SYNJ2: variants seen among roughly 807,000 people sequenced by gnomAD.
SYNJ2 encodes synaptojanin 2.
In SYNJ2, 116 loss-of-function variants were observed where a neutral mutation model predicts 141.3. The observed-to-expected ratio is 0.82, with a 90% CI of 0.71 to 0.96. SYNJ2 has a LOEUF of 0.96. Ranked by LOEUF, SYNJ2 falls within the 40% of genes least tolerant of loss-of-function variation. The pLI is 0.00. For missense variants in SYNJ2, 1,873 were observed against 1,934.8 expected (o/e 0.97, Z 0.60); for synonymous variants, 745 against 777.7 (o/e 0.96, Z 0.70).
At chr6:157,992,401 CTTTT>C (rs57905567) in intron 1 of SYNJ2, among the ~76,000 whole-genome samples, 49,752 of 120,764 alleles carry the variant, frequency 0.41, 10,599 homozygotes, top group African/African-American at 0.64. Context: ...TGGCTTGTTT[CTTTT>C]TTTTTTTTTT....
At chr6:158,069,205 C>T (rs894267753) in intron 13 of SYNJ2, among the ~76,000 whole-genome samples, 9 of 152,144 alleles carry the variant, frequency 5.9e-5, no homozygotes, top group East Asian at 1.9e-4. Context: ...GTCAACTGGG[C>T]GCTCCCCCCA....
At chr6:158,017,407 T>G in intron 2 of SYNJ2, 117 bp downstream of exon 2, 1 of 188,282 alleles carries the variant, frequency 5.3e-6, no homozygotes, top group South Asian at 1.3e-4. Context: ...TCTCTCTTCT[T>G]TTTTTTTTTT....
rs1423760670 is a variant in SYNJ2 at position 157,982,733 on chromosome 6, C to T, written c.127+645C>T. ...TGTGCTATGGGCTTTAGTACGTGAT[C>T]TCACTTAATTCTCACAATTCTACTA... On this transcript the variant is annotated intron_variant, in intron 1 of 26. Coordinates refer to ENST00000355585, the MANE Select transcript of SYNJ2 (RefSeq NM_003898.4). This position sits in a 1 kb window ranked among gnomAD's most constrained non-coding sequence, Gnocchi z 4.0. Among the ~76,000 whole-genome samples the T allele has an allele frequency of 6.6e-6, 1 of 152,224 alleles. No homozygotes were observed. Among genetic ancestry groups the T allele is most frequent in the African/African-American group, 2.4e-5 (1 of 41,462 alleles).
intron 15 of SYNJ2, 106 bp from the exon 16 acceptor site, chr6:158,074,474 A>AT: frequency 7.8e-7 from 1 of 1,278,272 alleles, no homozygotes. Flanking sequence ...TCTAAGTAGC[A>AT]TTTTGAGAAA....
intron 11 of SYNJ2, among the ~76,000 whole-genome samples, chr6:158,065,440 A>T (rs542869893): frequency 6.6e-6 from 1 of 152,256 alleles, no homozygotes; most frequent in South Asian, 2.1e-4. Flanking sequence ...GGATGCTGTC[A>T]TCCCCTGGGG....
intron 12 of SYNJ2, chr6:158,067,305 C>T: frequency 1.9e-6 from 1 of 514,506 alleles, no homozygotes; most frequent in Non-Finnish European, 2.5e-6. Flanking sequence ...AGGCATGCGC[C>T]ACCGCGCCTG....
intron 8 of SYNJ2, among the ~76,000 whole-genome samples, chr6:158,063,345 G>T (rs1056381583): frequency 6.6e-6 from 1 of 152,088 alleles, no homozygotes; most frequent in Admixed American, 6.5e-5. Context: ...TGGGGTTTCT[G>T]GGGGGCTATT....
At chr6:158,017,331 C>T (rs755809887) in intron 2 of SYNJ2, 41 bp downstream of exon 2, 116 of 1,580,348 alleles carry the variant, frequency 7.3e-5, no homozygotes, top group South Asian at 5.9e-4. Flanking sequence ...CCAGGCTCCC[C>T]GGTGGGCAGG....
rs992258961 is a variant in SYNJ2 at position 158,062,274 on chromosome 6, G to T, written c.1127+110G>T. 10 of 1,527,208 alleles carry T rather than the reference G, an allele frequency of 6.5e-6. No individual in the cohort carries two copies. In the East Asian group the frequency reaches 6.8e-5, roughly 10 times the overall value. The allele number at this position is 1,527,208 out of a possible 1,614,324, so 94.6% of individuals were successfully genotyped here. A position where few individuals can be genotyped will look rare whatever the true frequency, so the allele number is the denominator to read the frequency against. ...TGCTGGGTGAGGCGGCAGAGGGGCC[G>T]TGCAGTCTAGGACATGTGCCCTATG... is the stretch of plus-strand genomic sequence containing the variant. On this transcript the variant is annotated intron_variant, in intron 8 of 26. Coordinates refer to ENST00000355585, the MANE Select transcript of SYNJ2 (RefSeq NM_003898.4).
chr6:158,079,931 A>G (rs1233810301), intron 18 of SYNJ2, among the ~76,000 whole-genome samples: 1 of 152,210 alleles, frequency 6.6e-6, no homozygotes, highest in African/African-American at 2.4e-5. Context: ...CATGTGTGCT[A>G]TGAAAGAAAA....
Position 158,018,959 on chromosome 6 carries a change from C to T in SYNJ2, c.214+1669C>T, listed in dbSNP as rs1234072088. Among the ~76,000 whole-genome samples the T allele has an allele frequency of 2.6e-5, 4 of 152,334 alleles. 1 individual carries two copies. Among genetic ancestry groups the T allele is most frequent in the South Asian group, 4.1e-4 (2 of 4,834 alleles). ...GGCCCTTGCCTTCCATGGTGATGACCGTGAGGATGGTGGCCTGCACCTGCA... is the reference window on the plus strand; with the variant it reads ...GGCCCTTGCCTTCCATGGTGATGACTGTGAGGATGGTGGCCTGCACCTGCA... On this transcript the variant is annotated intron_variant, in intron 2 of 26. Coordinates refer to ENST00000355585, the MANE Select transcript of SYNJ2 (RefSeq NM_003898.4).
intron 25 of SYNJ2, among the ~76,000 whole-genome samples, chr6:158,092,162 A>G (rs565978194): frequency 5.9e-5 from 9 of 151,818 alleles, no homozygotes; most frequent in African/African-American, 1.4e-4. Flanking sequence ...TGTGAAATCT[A>G]CCTACAGTCC....
At chr6:158,022,559 A>T (rs1275339105) in intron 2 of SYNJ2, among the ~76,000 whole-genome samples, 1 of 152,068 alleles carries the variant, frequency 6.6e-6, no homozygotes. Context: ...CCTGGAGGGG[A>T]CATTGAGACT....
intron 5 of SYNJ2, among the ~76,000 whole-genome samples, chr6:158,047,777 A>C (rs1487161638): frequency 2.1e-5 from 1 of 46,954 alleles, no homozygotes; most frequent in Non-Finnish European, 5.1e-5. Context: ...ACTCTGTCAA[A>C]AAAAAAAAAA....
intron 5 of SYNJ2, among the ~76,000 whole-genome samples, chr6:158,047,799 A>AAAAAAAAAAAAC (rs1562355896): frequency 6.7e-6 from 1 of 149,806 alleles, no homozygotes; most frequent in African/African-American, 2.5e-5. Flanking sequence ...AAAAAAAAAA[A>AAAAAAAAAAAAC]AAAAAACACA....
In SYNJ2 at chr6:158,074,630, C is replaced by A. The variant is rs773089199; in HGVS notation, c.2184C>A (p.Asn728Lys). The stretch of plus-strand genomic sequence containing the variant: ...ATGTATTTTGGTGTGGCGATTTCAA[C>A]TACCGCATTGATCTTACTTATGAAG... The part of the protein sequence containing the change: ...HDYVFWCGDF[N>K]YRIDLTYEEV... Residue 728 changes from asparagine to lysine, a missense_variant, in exon 16 of 27, where the codon AAC becomes AAA. Transcript: ENST00000355585. 1.2e-6 allele frequency: 2 copies of A among 1,614,010 alleles called. No individual in the cohort carries two copies. Among genetic ancestry groups the A allele is most frequent in the Non-Finnish European group, 1.7e-6 (2 of 1,179,996 alleles).
rs34971762 is a variant in SYNJ2 at position 157,993,710 on chromosome 6, C to CTTT, written c.127+11645_127+11647dup. On this transcript the variant is annotated intron_variant, in intron 1 of 26. Coordinates refer to ENST00000355585, the MANE Select transcript of SYNJ2 (RefSeq NM_003898.4). Reference sequence around the variant, plus strand: ...AAACATAACTTTCATTCTTGCATAGCTTTTTTTTTTTTTTTTTTTTTTTTT... The same window carrying CTTT: ...AAACATAACTTTCATTCTTGCATAGCTTTTTTTTTTTTTTTTTTTTTTTTTTTT... 1.9e-3 allele frequency among the ~76,000 whole-genome samples: 76 copies of CTTT among 40,552 alleles called. 5 individuals carry two copies. The highest frequency in any genetic ancestry group is 6.1e-3 in the African/African-American group (56 of 9,150). The allele number at this position is 40,552 out of a possible 152,430, so 26.6% of individuals were successfully genotyped here. A position where few individuals can be genotyped will look rare whatever the true frequency, so the allele number is the denominator to read the frequency against.
intron 26 of SYNJ2, 39 bp downstream of exon 26, chr6:158,093,143 T>C: frequency 1.3e-6 from 2 of 1,587,510 alleles, no homozygotes; most frequent in Non-Finnish European, 1.7e-6. Flanking sequence ...ACTCCTAAGT[T>C]GCTCACATGT....
chr6:158,037,395 CTTTT>C (rs869141011), intron 4 of SYNJ2, among the ~76,000 whole-genome samples: 302 of 109,064 alleles, frequency 2.8e-3, no homozygotes, highest in African/African-American at 0.011. Context: ...TTGTCCTCAT[CTTTT>C]TTTTTTTTTT....
Sources: gnomAD v4.1 joint callset for allele counts (sites outside exome capture counted in the v4.1 genomes callset) on GRCh38, gnomAD v4.1.1 for gene constraint, Gnocchi (gnomAD v3.1) non-coding constraint, MANE v1.5 for transcripts, NCBI Gene and HGNC (gene_info 2026-07-23, HGNC 2026-07-21) for gene names.